CNTN3: variants seen among roughly 807,000 people sequenced by gnomAD.
The protein encoded by CNTN3 is contactin 3.
Under a neutral mutation model 119.1 loss-of-function variants are expected in CNTN3, and 60 were observed. That is an observed-to-expected ratio of 0.50 (90% CI 0.41 to 0.62). The LOEUF is 0.62. Ranked by LOEUF, CNTN3 falls within the 20% of genes least tolerant of loss-of-function variation. The probability of loss-of-function intolerance (pLI) is 0.00; values close to 1 mark genes in which losing one functional copy is unlikely to be tolerated. For missense variants in CNTN3, 1,101 were observed against 1,242.4 expected (o/e 0.89, Z 1.71); for synonymous variants, 450 against 438.7 (o/e 1.03, Z -0.32).
At chr3:74,347,904 A>G (rs1048908515) in intron 11 of CNTN3, among the ~76,000 whole-genome samples, 13 of 152,226 alleles carry the variant, frequency 8.5e-5, no homozygotes, top group African/African-American at 3.1e-4. Flanking sequence ...TATTTGTCAC[A>G]ACATGGATGA....
chr3:74,282,936 T>G (rs760710512), intron 20 of CNTN3, among the ~76,000 whole-genome samples: 3 of 152,178 alleles, frequency 2.0e-5, no homozygotes, highest in Non-Finnish European at 4.4e-5. Flanking sequence ...TAATAACATC[T>G]ACAGATCAAC....
chr3:74,369,117 T>G (rs1704272149), intron 8 of CNTN3, 72 bp downstream of exon 8: 4 of 1,237,056 alleles, frequency 3.2e-6, no homozygotes, highest in Middle Eastern at 2.0e-4. Flanking sequence ...CTCTCACCCC[T>G]AAATAACAAC....
intron 11 of CNTN3, among the ~76,000 whole-genome samples, chr3:74,351,418 T>C (rs1329622676): frequency 6.6e-6 from 1 of 152,226 alleles, no homozygotes; most frequent in Non-Finnish European, 1.5e-5. Flanking sequence ...TAAGGATTCC[T>C]GGCCTCATTT....
chr3:74,556,726 A>T (rs1009758500), intron 1 of CNTN3, among the ~76,000 whole-genome samples: 2 of 152,208 alleles, frequency 1.3e-5, no homozygotes, highest in African/African-American at 4.8e-5. Context: ...CTGTTTTCCA[A>T]TGTAACTCCA....
chr3:74,546,059 G>A (rs1315023731), intron 1 of CNTN3, among the ~76,000 whole-genome samples: 3 of 151,652 alleles, frequency 2.0e-5, no homozygotes, highest in South Asian at 2.1e-4. Flanking sequence ...GCAGTGGCGC[G>A]ATCTCGGCTC....
intron 5 of CNTN3, among the ~76,000 whole-genome samples, chr3:74,403,958 C>T (rs753916706): frequency 3.3e-5 from 5 of 152,050 alleles, no homozygotes; most frequent in Non-Finnish European, 7.4e-5. Flanking sequence ...CCCCTCCTCC[C>T]TGATGTCTTC....
chr3:74,266,661 G>T lies in CNTN3; in HGVS notation c.2818-12C>A. The T allele has an allele frequency of 1.2e-6, 2 of 1,610,916 alleles. No individual in the cohort carries two copies. Among genetic ancestry groups the T allele is most frequent in the South Asian group, 2.2e-5 (2 of 90,936 alleles). On this transcript the variant is annotated splice_polypyrimidine_tract_variant and intron_variant, in intron 21 of 22. Transcript: ENST00000263665. ...GTCCTATAGAAAACCTAAAATGCATGAACAAATACACTTACTTGTTATATT... is the reference window on the plus strand; with the variant it reads ...GTCCTATAGAAAACCTAAAATGCATTAACAAATACACTTACTTGTTATATT...
intron 18 of CNTN3, 95 bp from the exon 19 acceptor site, chr3:74,295,331 T>C (rs932479625): frequency 1.0e-5 from 7 of 667,404 alleles, no homozygotes; most frequent in African/African-American, 1.8e-5. Flanking sequence ...CATTTTAACG[T>C]ATTTGAAAAT....
chr3:74,472,543 A>C (rs1201550465), intron 4 of CNTN3, among the ~76,000 whole-genome samples: 1 of 152,208 alleles, frequency 6.6e-6, no homozygotes, highest in Non-Finnish European at 1.5e-5. Flanking sequence ...GCAAATAACA[A>C]ATATGTTTCA....
chr3:74,373,752 T>G (rs1260316749), intron 5 of CNTN3, among the ~76,000 whole-genome samples: 3 of 152,178 alleles, frequency 2.0e-5, no homozygotes, highest in Non-Finnish European at 1.5e-5. Flanking sequence ...TATTGATACT[T>G]AAAACATTAT....
intron 10 of CNTN3, among the ~76,000 whole-genome samples, chr3:74,363,700 T>G (rs377007789): frequency 1.1e-4 from 16 of 152,264 alleles, no homozygotes; most frequent in South Asian, 8.3e-4. Context: ...ACATTCATTT[T>G]GTTGGGAAAC....
intron 3 of CNTN3, among the ~76,000 whole-genome samples, chr3:74,493,484 C>T (rs1260924363): frequency 2.0e-5 from 3 of 152,142 alleles, no homozygotes; most frequent in Non-Finnish European, 1.5e-5. Context: ...GCATTTTAAA[C>T]TTCAGCATGA....
At chr3:74,467,011 A>G (rs1245597889) in intron 4 of CNTN3, among the ~76,000 whole-genome samples, 1 of 152,168 alleles carries the variant, frequency 6.6e-6, no homozygotes, top group Admixed American at 6.6e-5. Flanking sequence ...GTGATGATAT[A>G]TTCCATTTTT....
chr3:74,482,601 C>T (rs1217050595), intron 4 of CNTN3, among the ~76,000 whole-genome samples: 2 of 152,016 alleles, frequency 1.3e-5, no homozygotes, highest in African/African-American at 4.8e-5. Flanking sequence ...TTTTCATTTA[C>T]TCATTTACCC....
chr3:74,462,102 G>T (rs1702380864), intron 4 of CNTN3, among the ~76,000 whole-genome samples: 1 of 151,832 alleles, frequency 6.6e-6, no homozygotes, highest in East Asian at 1.9e-4. Flanking sequence ...TAAACATGTG[G>T]GGAACATCCC....
At chr3:74,502,593 C>T (rs942473982) in intron 2 of CNTN3, among the ~76,000 whole-genome samples, 5 of 152,126 alleles carry the variant, frequency 3.3e-5, no homozygotes, top group African/African-American at 1.2e-4. Flanking sequence ...TCCCCTGACC[C>T]CAGCTCCTGA....
At chr3:74,408,387 T>C (rs938430175) in intron 5 of CNTN3, among the ~76,000 whole-genome samples, 5 of 152,284 alleles carry the variant, frequency 3.3e-5, no homozygotes, top group Admixed American at 2.6e-4. Context: ...CCAGGAACAG[T>C]AACAGTGGTC....
intron 11 of CNTN3, among the ~76,000 whole-genome samples, chr3:74,341,712 A>G (rs543979947): frequency 6.6e-6 from 1 of 152,086 alleles, no homozygotes; most frequent in Non-Finnish European, 1.5e-5. Context: ...CTGTTAAAAA[A>G]CTTTGTTTGT....
rs1701660825 is a variant in CNTN3 at position 74,266,426 on chromosome 3, T to C, written c.2986+55A>G. 3.3e-6 allele frequency: 5 copies of C among 1,500,198 alleles called. No individual in the cohort carries two copies. In the South Asian group the frequency reaches 3.5e-5, roughly 10 times the overall value. 92.9% of individuals were successfully genotyped at this position (1,500,198 alleles called of 1,614,324 possible). ...CAGAGGGATACTGATTGACTCACTATGGCGGATAGTAACACTGATGTCAAT... is the reference window on the plus strand; with the variant it reads ...CAGAGGGATACTGATTGACTCACTACGGCGGATAGTAACACTGATGTCAAT... On this transcript the variant is annotated intron_variant, in intron 22 of 22. Transcript: ENST00000263665.
Sources: allele counts gnomAD v4.1 joint callset (sites outside exome capture counted in the v4.1 genomes callset), GRCh38; gene constraint gnomAD v4.1.1; transcripts MANE v1.5; gene names NCBI Gene and HGNC (gene_info 2026-07-23, HGNC 2026-07-21).